The following ITGA11 variants were observed in gnomAD, a reference collection of about 807,000 sequenced individuals.
ITGA11 encodes the protein integrin subunit alpha 11, also known as integrin alpha-11.
ITGA11 carries 97 observed loss-of-function variants against 141.9 expected under a neutral mutation model. That is an observed-to-expected ratio of 0.68 (90% CI 0.58 to 0.81). ITGA11 has a LOEUF of 0.81. Ranked by LOEUF, ITGA11 falls within the 30% of genes least tolerant of loss-of-function variation. ITGA11 has a pLI of 0.00. For missense variants in ITGA11, 1,387 were observed against 1,559.2 expected, an observed-to-expected ratio of 0.89 and a Z score of 1.86; for synonymous variants, 658 against 624.6, an observed-to-expected ratio of 1.05 and a Z score of -0.80.
At chr15:68,338,949 C>G (rs1894464508) in intron 11 of ITGA11, among the ~76,000 whole-genome samples, 1 of 152,192 alleles carries the variant, frequency 6.6e-6, no homozygotes, top group African/African-American at 2.4e-5. Context: ...CAGGTGACTG[C>G]TCCTGCAGAG....
chr15:68,333,039 C>G lies in ITGA11; in HGVS notation c.1426-561G>C, dbSNP rs1319223. Among the ~76,000 whole-genome samples, 125,820 of 152,098 alleles carry G rather than the reference C, an allele frequency of 0.83. 52,165 individuals are homozygous for G. The highest frequency in any genetic ancestry group is 0.9 in the South Asian group (4,359 of 4,828). On this transcript the variant is annotated intron_variant, in intron 12 of 29. Transcript: ENST00000315757. The surrounding 1 kb of genome is among the most constrained non-coding windows in gnomAD (Gnocchi z 4.2). ...TTTCATCTACAACATAATCACTGGT[C>G]ATTCCACAGTGCTCCAAATTATGCA...
Position 68,325,223 on chromosome 15 carries a change from T to G in ITGA11, c.2230A>C (p.Lys744Gln). The G allele has an allele frequency of 6.2e-7, 1 of 1,613,580 alleles. No individual in the cohort carries two copies. Among genetic ancestry groups the G allele is most frequent in the East Asian group, 2.2e-5 (1 of 44,872 alleles). Residue 744 changes from lysine (K) to glutamine (Q), a missense_variant, in exon 18 of 30, where the codon AAG becomes CAG. Lys to Gln is a moderately conservative substitution (Grantham distance 53). Transcript: ENST00000315757. The surrounding 1 kb of genome is among the most constrained non-coding windows in gnomAD (Gnocchi z 5.5). ...TACTCGACTGAGAAGGTCACTGGCT[T>G]CACGTAGTCAGCAGTGTCCTGGGGG... The part of the protein sequence containing the change: ...FHVLDTADYV[K>Q]PVTFSVEYSL...
At chr15:68,418,083 G>A (rs188819645) in intron 1 of ITGA11, among the ~76,000 whole-genome samples, 54 of 152,266 alleles carry the variant, frequency 3.5e-4, no homozygotes, top group Admixed American at 2.3e-3. Flanking sequence ...GCTTGAAAAC[G>A]ACCATGGTGG....
chr15:68,312,968 G>A (rs181538691), intron 23 of ITGA11, 105 bp from the exon 24 acceptor site: 50 of 749,232 alleles, frequency 6.7e-5, no homozygotes, highest in African/African-American at 6.0e-4. Flanking sequence ...CCCGGGCCAC[G>A]AAAAACAGGT....
At chr15:68,398,941 G>A (rs1447383110) in intron 2 of ITGA11, among the ~76,000 whole-genome samples, 2 of 151,558 alleles carry the variant, frequency 1.3e-5, no homozygotes, top group African/African-American at 2.4e-5. Context: ...GGATATACAT[G>A]TTAGTGGATT....
chr15:68,354,117 G>A (rs772372077), intron 7 of ITGA11, among the ~76,000 whole-genome samples: 3 of 151,926 alleles, frequency 2.0e-5, no homozygotes, highest in African/African-American at 7.3e-5. Context: ...CTCCACTCCC[G>A]CTACCACACT....
intron 4 of ITGA11, among the ~76,000 whole-genome samples, chr15:68,362,741 G>A (rs1465825537): frequency 6.6e-6 from 1 of 152,160 alleles, no homozygotes; most frequent in Non-Finnish European, 1.5e-5. Context: ...GATAATGGAT[G>A]GATGATGGAT....
chr15:68,418,165 A>G (rs1439502016), intron 1 of ITGA11, among the ~76,000 whole-genome samples: 1 of 152,254 alleles, frequency 6.6e-6, no homozygotes, highest in Non-Finnish European at 1.5e-5. Flanking sequence ...TCCCATCCCA[A>G]GAGCCAGAAT....
intron 2 of ITGA11, among the ~76,000 whole-genome samples, chr15:68,375,159 C>G (rs1376901151): frequency 6.6e-6 from 1 of 152,222 alleles, no homozygotes; most frequent in Non-Finnish European, 1.5e-5. Context: ...TCTCTCCTCT[C>G]TCACCCCATT....
intron 2 of ITGA11, among the ~76,000 whole-genome samples, chr15:68,374,718 G>A (rs145307614): frequency 1.2e-3 from 179 of 152,334 alleles, no homozygotes; most frequent in African/African-American, 4.1e-3. Flanking sequence ...CTCCAAGGAT[G>A]AGCTTGCCTC....
chr15:68,414,814 G>GC (rs1227332531), intron 1 of ITGA11, among the ~76,000 whole-genome samples: 5 of 152,060 alleles, frequency 3.3e-5, no homozygotes, highest in Non-Finnish European at 7.4e-5. Context: ...TCAGCCTCAA[G>GC]CCCCCCCATG....
chr15:68,343,969 A>G (rs956171642), intron 10 of ITGA11, among the ~76,000 whole-genome samples: 2 of 152,142 alleles, frequency 1.3e-5, no homozygotes, highest in Non-Finnish European at 2.9e-5. Context: ...TGGGGTGAGC[A>G]GAAGGGGCCG....
chr15:68,404,687 A>C (rs1896598280), intron 1 of ITGA11, among the ~76,000 whole-genome samples: 1 of 152,142 alleles, frequency 6.6e-6, no homozygotes, highest in African/African-American at 2.4e-5. Context: ...CTAGGACCTC[A>C]GACACCTACT....
intron 15 of ITGA11, 49 bp downstream of exon 15, chr15:68,330,932 T>C (rs780902954): frequency 3.2e-5 from 51 of 1,609,174 alleles, no homozygotes; most frequent in Admixed American, 1.2e-4. Flanking sequence ...CCTGGATTCA[T>C]TGTGACTTTC....
rs1036963280 is a variant in ITGA11 at position 68,329,571 on chromosome 15, T to A, written c.1902-1309A>T. ...ATCATTTCTGTGAGACCGATTCTCT[T>A]GAGGGGTGTGTGTGCACATGTGTAT... is the stretch of plus-strand genomic sequence containing the variant. On this transcript the variant is annotated intron_variant, in intron 15 of 29. Coordinates refer to ENST00000315757, the MANE Select transcript of ITGA11 (RefSeq NM_001004439.2). 1.1e-4 allele frequency among the ~76,000 whole-genome samples: 16 copies of A among 152,328 alleles called. 1 individual carries two copies. The highest frequency in any genetic ancestry group is 8.5e-4 in the Admixed American group (13 of 15,306).
chr15:68,326,670 A>G lies in ITGA11; in HGVS notation c.2195T>C (p.Ile732Thr), dbSNP rs371435485. 6 of 1,590,734 alleles carry G rather than the reference A, an allele frequency of 3.8e-6. No homozygotes were observed. The African/African-American group carries it at 8.1e-5, about 21-fold the overall frequency. ...CCAGCTTACCAGGACATGGAAGTTGATCCGCTCACAGAGCTCCTGGCCGGA... is the reference window on the plus strand; with the variant it reads ...CCAGCTTACCAGGACATGGAAGTTGGTCCGCTCACAGAGCTCCTGGCCGGA... Reference protein sequence around the residue: ...LSSGQELCERINFHVLDTADY... With the variant: ...LSSGQELCERTNFHVLDTADY... Residue 732 changes from isoleucine (I) to threonine (T), a missense_variant, in exon 17 of 30, where the codon ATC becomes ACC. By Grantham distance (89) the Ile-to-Thr change is moderately conservative. Coordinates refer to ENST00000315757, the MANE Select transcript of ITGA11 (RefSeq NM_001004439.2). The surrounding 1 kb of genome is among the most constrained non-coding windows in gnomAD (Gnocchi z 6.8).
intron 4 of ITGA11, among the ~76,000 whole-genome samples, chr15:68,362,385 T>C (rs1197531114): frequency 6.6e-6 from 1 of 152,184 alleles, no homozygotes; most frequent in Non-Finnish European, 1.5e-5. Context: ...TTTAGGGGAG[T>C]AATTATTCTA....
intron 1 of ITGA11, among the ~76,000 whole-genome samples, chr15:68,423,059 C>A (rs1897056591): frequency 6.6e-6 from 1 of 152,148 alleles, no homozygotes; most frequent in South Asian, 2.1e-4. Context: ...AGACATCTAC[C>A]CTGCCCTTAA....
chr15:68,354,737 C>T (rs1895018457), intron 7 of ITGA11, among the ~76,000 whole-genome samples: 1 of 152,186 alleles, frequency 6.6e-6, no homozygotes, highest in Non-Finnish European at 1.5e-5. Flanking sequence ...CTCTCATCCT[C>T]ACCGAGTTAG....
Sources: gnomAD v4.1 joint callset for allele counts (sites outside exome capture counted in the v4.1 genomes callset) on GRCh38, gnomAD v4.1.1 for gene constraint, Gnocchi (gnomAD v3.1) non-coding constraint, MANE v1.5 for transcripts, NCBI Gene and HGNC (gene_info 2026-07-23, HGNC 2026-07-21) for gene names.